COG4: variants seen among roughly 807,000 people sequenced by gnomAD.
COG4 encodes component of oligomeric golgi complex 4, also known as conserved oligomeric Golgi complex subunit 4.
Under a neutral mutation model 95.1 loss-of-function variants are expected in COG4, and 65 were observed. That is an observed-to-expected ratio of 0.68 (90% CI 0.56 to 0.84). The LOEUF is 0.84. Among genes scored for constraint, COG4 ranks in the 40% least tolerant of loss-of-function variants. COG4 has a pLI of 0.00. For missense variants in COG4, 1,045 were observed against 989.1 expected, an observed-to-expected ratio of 1.06 and a Z score of -0.76; for synonymous variants, 421 against 374.8, an observed-to-expected ratio of 1.12 and a Z score of -1.42.
In COG4 at chr16:70,482,818, C is replaced by G; in HGVS notation, c.1831G>C (p.Gly611Arg). Residue 611 changes from glycine to arginine, a missense_variant, in exon 15 of 19, where the codon GGG becomes CGG. By Grantham distance (125) the Gly-to-Arg change is moderately radical. Transcript: ENST00000323786. ...SNKFRDLLQE[G>R]LTELNSTAIK... Reference sequence around the variant, plus strand: ...GCTGTGCTGTTGAGCTCCGTCAGCCCTTCCTGCACAAGGACAAGGTGGAGA... The same window carrying G: ...GCTGTGCTGTTGAGCTCCGTCAGCCGTTCCTGCACAAGGACAAGGTGGAGA... 1 of 1,613,390 alleles carries G rather than the reference C, an allele frequency of 6.2e-7. No individual in the cohort carries two copies. The highest frequency in any genetic ancestry group is 8.5e-7 in the Non-Finnish European group (1 of 1,179,574).
Position 70,508,389 on chromosome 16 carries a change from G to A in COG4, c.1061+17C>T. 6.2e-7 allele frequency: 1 copy of A among 1,608,098 alleles called. No individual in the cohort carries two copies. The highest frequency in any genetic ancestry group is 1.1e-5 in the South Asian group (1 of 90,952). On this transcript the variant is annotated intron_variant, in intron 8 of 18. Coordinates refer to ENST00000323786, the MANE Select transcript of COG4 (RefSeq NM_015386.3). ...ATTCAAACTCCTGTGGGCTGAAGAA[G>A]AGAGAAGGATTATTACCTTGGTTCG...
chr16:70,482,458 A>G (rs2049018481), intron 15 of COG4: 3 of 603,214 alleles, frequency 5.0e-6, no homozygotes, highest in Non-Finnish European at 5.9e-6. Context: ...CGCCAGGAGG[A>G]AAAAAACGCT....
intron 13 of COG4, among the ~76,000 whole-genome samples, chr16:70,486,260 C>T (rs1011879017): frequency 1.3e-5 from 2 of 152,166 alleles, no homozygotes; most frequent in East Asian, 1.9e-4. Flanking sequence ...GGGGAACTGC[C>T]TGAAACTCAT....
chr16:70,489,654 G>A (rs2049205054), intron 13 of COG4, among the ~76,000 whole-genome samples: 1 of 151,322 alleles, frequency 6.6e-6, no homozygotes, highest in Non-Finnish European at 1.5e-5. Flanking sequence ...TAAGCTTACA[G>A]GTATGAGCCA....
At chr16:70,517,523 G>A (rs954306612) in intron 3 of COG4, 103 bp downstream of exon 3, 9 of 715,938 alleles carry the variant, frequency 1.3e-5, no homozygotes, top group South Asian at 1.1e-4. Flanking sequence ...AGGGAGTTGG[G>A]GCTGTAGTGA....
At chr16:70,487,581 CA>C (rs373640185) in intron 13 of COG4, among the ~76,000 whole-genome samples, 2 of 150,778 alleles carry the variant, frequency 1.3e-5, no homozygotes, top group Admixed American at 6.6e-5. Flanking sequence ...GACTCCGTCT[CA>C]AAAAAAAACC....
chr16:70,481,683 G>A, intron 17 of COG4, 81 bp downstream of exon 17: 2 of 1,381,326 alleles, frequency 1.4e-6, no homozygotes, highest in South Asian at 1.2e-5. Context: ...CAGAGGGGAT[G>A]CAAGTCCTGG....
intron 13 of COG4, among the ~76,000 whole-genome samples, chr16:70,487,627 G>A (rs903029356): frequency 1.3e-5 from 2 of 152,128 alleles, no homozygotes; most frequent in Non-Finnish European, 2.9e-5. Context: ...GAACACATAC[G>A]ATGTGACAGA....
At chr16:70,519,600 T>G (rs1405415955) in intron 2 of COG4, 49 bp downstream of exon 2, 1 of 1,396,320 alleles carries the variant, frequency 7.2e-7, no homozygotes, top group South Asian at 1.2e-5. Flanking sequence ...CTTGTCCAAT[T>G]GACCCTGTTG....
At chr16:70,481,665 G>A in intron 17 of COG4, 99 bp downstream of exon 17, 4 of 1,341,568 alleles carry the variant, frequency 3.0e-6, no homozygotes, top group Non-Finnish European at 4.2e-6. Flanking sequence ...GGGCCTGTGG[G>A]CAGCAGACAG....
In COG4 at chr16:70,509,296, C is replaced by G; in HGVS notation, c.937G>C (p.Glu313Gln). ...ACCTTCTCCACCTGTCTGTCACATT[C>G]CACCTGCAGATATTTGATCAGGGTA... ...LYTLIKYLQV[E>Q]CDRQVEKVVD... The change falls in exon 7 of 19, where the codon GAA (glutamate) becomes CAA (glutamine). Residue 313 changes from glutamate to glutamine, a missense_variant. Glu to Gln is a conservative substitution (Grantham distance 29). Coordinates refer to ENST00000323786, the MANE Select transcript of COG4 (RefSeq NM_015386.3). The G allele has an allele frequency of 6.2e-7, 1 of 1,614,214 alleles. No homozygotes were observed. The highest frequency in any genetic ancestry group is 8.5e-7 in the Non-Finnish European group (1 of 1,180,030).
At chr16:70,503,468 G>A (rs2049494242) in intron 8 of COG4, among the ~76,000 whole-genome samples, 1 of 152,128 alleles carries the variant, frequency 6.6e-6, no homozygotes, top group Admixed American at 6.5e-5. Flanking sequence ...CACCATTTCA[G>A]GCTCTCCTCT....
At chr16:70,486,439 T>C (rs907384828) in intron 13 of COG4, among the ~76,000 whole-genome samples, 1 of 152,208 alleles carries the variant, frequency 6.6e-6, no homozygotes, top group African/African-American at 2.4e-5. Context: ...TGAGTAGTCT[T>C]GTAACCTTCC....
intron 8 of COG4, among the ~76,000 whole-genome samples, chr16:70,506,627 A>AAAAAAAAAAAAAAT (rs1405431900): frequency 7.3e-6 from 1 of 137,248 alleles, no homozygotes; most frequent in African/African-American, 2.9e-5. Flanking sequence ...ACAAAAAAAA[A>AAAAAAAAAAAAAAT]AACATTTAGC....
rs1481150533 is a variant in COG4 at position 70,481,500 on chromosome 16, C to A, written c.2107-13G>T. The A allele has an allele frequency of 6.2e-7, 1 of 1,610,924 alleles. No homozygotes were observed. Among genetic ancestry groups the A allele is most frequent in the African/African-American group, 1.3e-5 (1 of 75,028 alleles). Reference sequence around the variant, plus strand: ...GCAGACCACCCAGCTGCAGGAGAACCCAAGCCCAGTCACTACTTAGGCCTG... The same window carrying A: ...GCAGACCACCCAGCTGCAGGAGAACACAAGCCCAGTCACTACTTAGGCCTG... On this transcript the variant is annotated splice_polypyrimidine_tract_variant and intron_variant, in intron 17 of 18. Coordinates refer to ENST00000323786, the MANE Select transcript of COG4 (RefSeq NM_015386.3).
chr16:70,516,316 T>C (rs963714411), intron 3 of COG4, among the ~76,000 whole-genome samples: 2 of 151,776 alleles, frequency 1.3e-5, no homozygotes, highest in African/African-American at 4.9e-5. Context: ...TTTTTTTTTT[T>C]GAGACAGAAT....
chr16:70,519,120 CTT>C (rs779941972), intron 2 of COG4, among the ~76,000 whole-genome samples: 4 of 87,794 alleles, frequency 4.6e-5, no homozygotes, highest in African/African-American at 1.3e-4. Flanking sequence ...ATTTGCATTT[CTT>C]TTTTTTTTTT....
rs1214465807 is a variant in COG4 at position 70,505,915 on chromosome 16, CA to C, written c.1061+2490del. Among the ~76,000 whole-genome samples, 7 of 151,496 alleles carry C rather than the reference CA, an allele frequency of 4.6e-5. No homozygotes were observed. In the South Asian group the frequency reaches 1.5e-3, roughly 32 times the overall value. On this transcript the variant is annotated intron_variant, in intron 8 of 18. Coordinates refer to ENST00000323786, the MANE Select transcript of COG4 (RefSeq NM_015386.3). ...ATTCCAGTGCTTTGGGAGGCTGAGG[CA>C]GGGGGAATCACTTGAGATCTGGGGT...
At chr16:70,499,157 A>AT (rs1454472234) in intron 9 of COG4, among the ~76,000 whole-genome samples, 1 of 152,244 alleles carries the variant, frequency 6.6e-6, no homozygotes, top group African/African-American at 2.4e-5. Flanking sequence ...TGTGATGAAC[A>AT]TAACTTAGGA....
Sources: allele counts gnomAD v4.1 joint callset (sites outside exome capture counted in the v4.1 genomes callset), GRCh38; gene constraint gnomAD v4.1.1; transcripts MANE v1.5; gene names NCBI Gene and HGNC (gene_info 2026-07-23, HGNC 2026-07-21).